Variants in ABCG1 observed in about 807,000 individuals in gnomAD.
The protein encoded by ABCG1 is ATP-binding cassette sub-family G member 1.
In ABCG1, 29 loss-of-function variants were observed where a neutral mutation model predicts 69.2. The ratio of observed to expected loss-of-function variants is 0.42; its 90% CI spans 0.31 to 0.57. The LOEUF is 0.57. ABCG1 is among the 20% of genes least tolerant of loss of function. The pLI is 0.15. For synonymous variants in ABCG1, 370 were observed against 374.8 expected (o/e 0.99, Z 0.15); for missense variants, 718 against 898.1 (o/e 0.80, Z 2.56).
intron 2 of ABCG1, among the ~76,000 whole-genome samples, chr21:42,210,169 C>T (rs996276852): frequency 6.6e-6 from 1 of 152,176 alleles, no homozygotes; most frequent in Non-Finnish European, 1.5e-5. Flanking sequence ...CTCTTAGGGT[C>T]CAGGAAGTCC....
At chr21:42,271,267 G>T (rs774681789) in intron 3 of ABCG1, 80 bp downstream of exon 3, 13 of 896,334 alleles carry the variant, frequency 1.5e-5, no homozygotes, top group Non-Finnish European at 2.0e-5. Flanking sequence ...CCTTCCATCA[G>T]CCCCATCACC....
chr21:42,203,206 C>T (rs1375954580), intron 2 of ABCG1, among the ~76,000 whole-genome samples: 1 of 152,154 alleles, frequency 6.6e-6, no homozygotes, highest in Non-Finnish European at 1.5e-5. Flanking sequence ...ATTATGAATC[C>T]TAATCCTTTG....
At chr21:42,290,980 C>G in intron 11 of ABCG1, 112 bp from the exon 12 acceptor site, 1 of 753,694 alleles carries the variant, frequency 1.3e-6, no homozygotes, top group Non-Finnish European at 2.3e-6. Context: ...TCTCAGTGCC[C>G]TAGGCCAGAG....
Position 42,288,038 on chromosome 21 carries a change from G to A in ABCG1, c.1122+1G>A. On this transcript the variant is annotated splice_donor_variant, in intron 9 of 14. Coordinates refer to ENST00000398449, the MANE Select transcript of ABCG1 (RefSeq NM_016818.3). LOFTEE classifies it high-confidence loss of function. This position sits in a 1 kb window ranked among gnomAD's most constrained non-coding sequence, Gnocchi z 4.8. Reference sequence around the variant, plus strand: ...TCTTTGGCACCGGCCCTCTGAAGAGGTAAAGCAGACAAAACGATTAAAGGG... The same window carrying A: ...TCTTTGGCACCGGCCCTCTGAAGAGATAAAGCAGACAAAACGATTAAAGGG... 6.2e-7 allele frequency: 1 copy of A among 1,608,758 alleles called. No homozygotes were observed. Among genetic ancestry groups the A allele is most frequent in the Non-Finnish European group, 8.5e-7 (1 of 1,176,498 alleles).
At chr21:42,255,763 AC>A (rs1172194385) in intron 2 of ABCG1, among the ~76,000 whole-genome samples, 2 of 151,894 alleles carry the variant, frequency 1.3e-5, no homozygotes, top group Non-Finnish European at 2.9e-5. Flanking sequence ...CAAGCCCCTC[AC>A]CTGTTTAGAG....
intron 2 of ABCG1, among the ~76,000 whole-genome samples, chr21:42,267,483 GATCTGGGTTCT>G (rs2068528229): frequency 2.0e-5 from 3 of 149,918 alleles, no homozygotes; most frequent in African/African-American, 5.0e-5. Context: ...GTCTGGGTCT[GATCTGGGTTCT>G]GTCTGGGTGT....
intron 2 of ABCG1, among the ~76,000 whole-genome samples, chr21:42,270,660 G>A (rs1296859823): frequency 3.3e-5 from 5 of 152,058 alleles, no homozygotes; most frequent in South Asian, 2.1e-4. Flanking sequence ...ATGGCATCTC[G>A]GGGCAGGAGC....
Position 42,273,309 on chromosome 21 carries a change from G to C in ABCG1, c.411G>C (p.Thr137=), listed in dbSNP as rs372300203. The C allele has an allele frequency of 3.1e-6, 5 of 1,612,482 alleles. No homozygotes were observed. Among genetic ancestry groups the C allele is most frequent in the South Asian group, 2.2e-5 (2 of 90,976 alleles). The change falls in exon 4 of 15, where the codon ACG becomes ACC. Residue 137 remains threonine, a synonymous_variant. Transcript: ENST00000398449. This position sits in a 1 kb window ranked among gnomAD's most constrained non-coding sequence, Gnocchi z 5.3. ...CCTGTCCTTGGTTCTGCAGGGAGAC[G>C]GGCATGAAGGGGGCCGTCCTCATCA... ...LMNILAGYRE[T]GMKGAVLING... is the part of the protein sequence containing the mutation.
chr21:42,227,393 T>C (rs1356542201), intron 2 of ABCG1, among the ~76,000 whole-genome samples: 1 of 152,242 alleles, frequency 6.6e-6, no homozygotes, highest in East Asian at 1.9e-4. Context: ...CGTCATGTTT[T>C]GGCGTCGTTT....
chr21:42,276,554 G>A lies in ABCG1; in HGVS notation c.538-341G>A, dbSNP rs757143386. The A allele has an allele frequency of 1.7e-5, 5 of 292,546 alleles. No homozygotes were observed. The highest frequency in any genetic ancestry group is 1.2e-4 in the South Asian group (2 of 16,900). 18.1% of individuals were successfully genotyped at this position (292,546 alleles called of 1,614,324 possible). ...CTACCATTGTTAAAGCAGGGGCATC[G>A]GAAGCCAAGAACTCCTTGGGTTTTC... On this transcript the variant is annotated intron_variant, in intron 4 of 14. Coordinates refer to ENST00000398449, the MANE Select transcript of ABCG1 (RefSeq NM_016818.3). The surrounding 1 kb of genome is among the most constrained non-coding windows in gnomAD (Gnocchi z 5.3).
chr21:42,255,830 C>T lies in ABCG1; in HGVS notation c.287-15240C>T, dbSNP rs76442681. ...CTCCAGTTCTCCTGCCGTGGCCTCT[C>T]GGGCTCCTGGGGAACAGCACCCTGA... On this transcript the variant is annotated intron_variant, in intron 2 of 14. Transcript: ENST00000398449. 2.6e-3 allele frequency among the ~76,000 whole-genome samples: 393 copies of T among 152,318 alleles called. 1 individual carries two copies. Among genetic ancestry groups the T allele is most frequent in the African/African-American group, 8.1e-3 (337 of 41,570 alleles).
At chr21:42,234,059 CTGG>C (rs2067940307) in intron 2 of ABCG1, among the ~76,000 whole-genome samples, 1 of 151,942 alleles carries the variant, frequency 6.6e-6, no homozygotes, top group Admixed American at 6.5e-5. Flanking sequence ...TTAAAAATAA[CTGG>C]TGTTTACTGA....
At chr21:42,235,399 GAA>G (rs1234430849) in intron 2 of ABCG1, among the ~76,000 whole-genome samples, 1 of 152,180 alleles carries the variant, frequency 6.6e-6, no homozygotes, top group African/African-American at 2.4e-5. Context: ...GTGTGTCCAC[GAA>G]AAGAGTCAAA....
intron 5 of ABCG1, among the ~76,000 whole-genome samples, chr21:42,278,459 A>G (rs1019663574): frequency 6.6e-6 from 1 of 152,220 alleles, no homozygotes; most frequent in Non-Finnish European, 1.5e-5. Flanking sequence ...GAAGTAATGA[A>G]GTTAAAATGG....
chr21:42,246,282 C>T (rs1390696398), intron 2 of ABCG1, among the ~76,000 whole-genome samples: 2 of 152,226 alleles, frequency 1.3e-5, no homozygotes, highest in African/African-American at 4.8e-5. Flanking sequence ...TGATAGTTGT[C>T]ACTGGATATA....
chr21:42,223,762 A>AGTGT (rs2067768529), intron 1 of ABCG1, among the ~76,000 whole-genome samples: 1 of 152,198 alleles, frequency 6.6e-6, no homozygotes, highest in African/African-American at 2.4e-5. Context: ...TGAGTGAGTG[A>AGTGT]GCAGATAGTG....
upstream of ABCG1, among the ~76,000 whole-genome samples, chr21:42,217,328 C>A (rs1601339178): frequency 1.3e-5 from 2 of 152,208 alleles, no homozygotes; most frequent in Admixed American, 1.3e-4. Flanking sequence ...TTGCAGGCAC[C>A]CTCACTTGCC....
intron 10 of ABCG1, among the ~76,000 whole-genome samples, chr21:42,289,363 C>A (rs2069009842): frequency 6.6e-6 from 1 of 152,156 alleles, no homozygotes; most frequent in South Asian, 2.1e-4. Flanking sequence ...CTTAAAACTT[C>A]CAGTTGGAAG....
chr21:42,243,486 G>A (rs956441426), intron 2 of ABCG1, among the ~76,000 whole-genome samples: 1 of 146,926 alleles, frequency 6.8e-6, no homozygotes, highest in Non-Finnish European at 1.5e-5. Flanking sequence ...GTGTGTGTGT[G>A]TGTGCGCTGG....
Sources: allele counts gnomAD v4.1 joint callset (sites outside exome capture counted in the v4.1 genomes callset), GRCh38; gene constraint gnomAD v4.1.1; non-coding constraint Gnocchi (gnomAD v3.1); transcripts MANE v1.5; gene names NCBI Gene and HGNC (gene_info 2026-07-23, HGNC 2026-07-21).